Variants in MBIP observed in about 807,000 individuals in gnomAD.
MBIP encodes the protein MAP3K12-binding inhibitory protein 1.
A neutral mutation model predicts 45.7 loss-of-function variants in MBIP; 32 were observed. That is an observed-to-expected ratio of 0.70 (90% CI 0.53 to 0.94). The LOEUF is 0.94. MBIP is among the 40% of genes least tolerant of loss of function. The pLI is 0.00. For synonymous variants in MBIP, 145 were observed against 141.0 expected (o/e 1.03, Z -0.20); for missense variants, 381 against 405.5 (o/e 0.94, Z 0.52).
intron 6 of MBIP, among the ~76,000 whole-genome samples, chr14:36,309,486 CTGAA>C (rs1880076107): frequency 6.6e-6 from 1 of 152,142 alleles, no homozygotes; most frequent in South Asian, 2.1e-4. Flanking sequence ...TATTTACTGA[CTGAA>C]TGAATACATG....
At chr14:36,304,980 G>A (rs955909755) in intron 7 of MBIP, 1 of 152,154 alleles carries the variant, frequency 6.6e-6, no homozygotes, top group African/African-American at 2.4e-5. Flanking sequence ...TTAATAAACT[G>A]AATGGGCTCA....
intron 6 of MBIP, among the ~76,000 whole-genome samples, chr14:36,311,372 C>T (rs758751679): frequency 1.3e-5 from 2 of 152,010 alleles, no homozygotes; most frequent in Non-Finnish European, 2.9e-5. Flanking sequence ...TTTATCTGTA[C>T]AGTGATAACA....
At position 36,298,948 on chromosome 14, in the gene MBIP, C is replaced by G; in HGVS notation, c.*135G>C. On this transcript the variant is annotated 3_prime_UTR_variant, in exon 9 of 9. Coordinates refer to ENST00000416007, the MANE Select transcript of MBIP (RefSeq NM_016586.3). ...ATATTTGAAGATTACTTGCTGCAAG[C>G]TGGACTCATGTGAAAATAAACCTTG... The G allele has an allele frequency of 1.8e-6, 1 of 562,052 alleles. No homozygotes were observed. The highest frequency in any genetic ancestry group is 3.1e-6 in the Non-Finnish European group (1 of 318,034). The allele number at this position is 562,052 out of a possible 1,614,324, so 34.8% of individuals were successfully genotyped here.
At chr14:36,313,437 C>T (rs1880335872) in intron 4 of MBIP, 1 of 152,056 alleles carries the variant, frequency 6.6e-6, no homozygotes, top group Non-Finnish European at 1.5e-5. Flanking sequence ...TTTCTATCCC[C>T]TGGTGGTTTA....
chr14:36,308,224 G>T, intron 6 of MBIP, 35 bp from the exon 7 acceptor site: 2 of 1,022,506 alleles, frequency 2.0e-6, no homozygotes, highest in African/African-American at 1.6e-5. Flanking sequence ...AGATACTATT[G>T]AATAATTCTT....
chr14:36,304,386 A>C (rs887264702), intron 7 of MBIP, among the ~76,000 whole-genome samples: 1 of 152,222 alleles, frequency 6.6e-6, no homozygotes, highest in African/African-American at 2.4e-5. Context: ...CCTGCCCTTG[A>C]GAGTTTCAAA....
chr14:36,311,896 T>A, intron 5 of MBIP, 63 bp downstream of exon 5: 1 of 1,323,694 alleles, frequency 7.6e-7, no homozygotes, highest in Non-Finnish European at 1.0e-6. Context: ...GTTATTTCTA[T>A]TCCATTTTGC....
rs760295782 is a variant in MBIP at position 36,299,190 on chromosome 14, G to A, written c.928C>T (p.Gln310Ter). The A allele has an allele frequency of 6.2e-7, 1 of 1,605,394 alleles. No homozygotes were observed. Among genetic ancestry groups the A allele is most frequent in the South Asian group, 1.1e-5 (1 of 90,736 alleles). Residue 310 changes from glutamine to a stop codon, truncating the protein, a stop_gained and splice_region_variant, in exon 9 of 9, where the codon CAG becomes TAG. Coordinates refer to ENST00000416007, the MANE Select transcript of MBIP (RefSeq NM_016586.3). LOFTEE classifies it high-confidence loss of function. ...TCAAGTTCAGCCAGTGAATAGTTCT[G>A]CTGTAAACAATAACGACACAAATTG... Reference protein sequence around the residue: ...GKRRKVQPPQQNYSLAELDEK... With the variant: ...GKRRKVQPPQ
chr14:36,308,044 A>T (rs202133690), intron 7 of MBIP, 48 bp downstream of exon 7: 2 of 1,027,734 alleles, frequency 1.9e-6, no homozygotes, highest in East Asian at 4.8e-5. Context: ...CAAAGAATCC[A>T]GAATACAATA....
chr14:36,316,512 T>A (rs1193530537), intron 2 of MBIP, among the ~76,000 whole-genome samples, 181 bp downstream of exon 2: 2 of 152,198 alleles, frequency 1.3e-5, no homozygotes, highest in Non-Finnish European at 1.5e-5. Context: ...TTGGGCTATA[T>A]TCCCTTAACT....
intron 7 of MBIP, among the ~76,000 whole-genome samples, chr14:36,303,019 T>C (rs1879666104): frequency 6.6e-6 from 1 of 152,228 alleles, no homozygotes; most frequent in Non-Finnish European, 1.5e-5. Context: ...CACCCGATAC[T>C]CTACAGTGTA....
intron 6 of MBIP, 73 bp downstream of exon 6, chr14:36,311,500 T>G (rs995537809): frequency 1.4e-6 from 2 of 1,416,884 alleles, no homozygotes; most frequent in African/African-American, 2.9e-5. Context: ...GAAAATTTGG[T>G]GACTAAATGA....
chr14:36,316,927 A>G, intron 1 of MBIP, 115 bp from the exon 2 acceptor site: 1 of 1,079,562 alleles, frequency 9.3e-7, no homozygotes, highest in Non-Finnish European at 1.3e-6. Context: ...CTAAGTTATC[A>G]AGTTTTTAAT....
chr14:36,307,081 T>A (rs1879926181), intron 7 of MBIP, among the ~76,000 whole-genome samples: 1 of 152,250 alleles, frequency 6.6e-6, no homozygotes, highest in East Asian at 1.9e-4. Flanking sequence ...CAGCCCTTAG[T>A]ATTTTCATAA....
intron 7 of MBIP, 149 bp from the exon 8 acceptor site, chr14:36,300,972 C>A: frequency 1.9e-6 from 1 of 519,538 alleles, no homozygotes; most frequent in Non-Finnish European, 3.5e-6. Flanking sequence ...TGTCTGTAAC[C>A]AACATCTACC....
intron 4 of MBIP, chr14:36,313,867 G>C (rs909069840): frequency 6.6e-6 from 1 of 152,122 alleles, no homozygotes; most frequent in Non-Finnish European, 1.5e-5. Context: ...TATGGTGCCT[G>C]AGTATAATCT....
In MBIP at chr14:36,314,903, T is replaced by C. The variant is rs1482593876; in HGVS notation, c.262A>G (p.Lys88Glu). 4.3e-6 allele frequency: 7 copies of C among 1,612,446 alleles called. No homozygotes were observed. The highest frequency in any genetic ancestry group is 5.9e-6 in the Non-Finnish European group (7 of 1,178,832). ...TCCTCTTTAATCGGAGACTGAAGTT[T>C]TGCTAAAAAAGGCTGAGAACAACAC... is the stretch of plus-strand genomic sequence containing the variant. The part of the protein sequence containing the change: ...HILYLQPFLA[K>E]LQSPIKEENT... The change falls in exon 3 of 9, where the codon AAA (lysine) becomes GAA (glutamate). Residue 88 changes from lysine (K) to glutamate (E), a missense_variant. Lys to Glu is a moderately conservative substitution (Grantham distance 56). Transcript: ENST00000416007.
intron 7 of MBIP, among the ~76,000 whole-genome samples, chr14:36,303,673 G>A (rs1334933438): frequency 1.3e-5 from 2 of 152,172 alleles, no homozygotes. Context: ...GAGCATGACT[G>A]TCATACACAC....
rs746152906 is a variant in MBIP at position 36,314,575 on chromosome 14, T to G, written c.508A>C (p.Lys170Gln). The G allele has an allele frequency of 1.2e-6, 2 of 1,611,818 alleles. No homozygotes were observed. Among genetic ancestry groups the G allele is most frequent in the East Asian group, 2.2e-5 (1 of 44,834 alleles). ...TTGTTTTCATTGATTTCAGCTTGCT[T>G]TCTTTCAATAAATGCAGATATTCGT... Reference protein sequence around the residue: ...DRRISAFIERKQAEINENNVR... With the variant: ...DRRISAFIERQQAEINENNVR... The change falls in exon 4 of 9, where the codon AAG becomes CAG. Residue 170 changes from lysine to glutamine, a missense_variant. Lys to Gln is a moderately conservative substitution (Grantham distance 53). Coordinates refer to ENST00000416007, the MANE Select transcript of MBIP (RefSeq NM_016586.3).
Sources: gnomAD v4.1 joint callset for allele counts (sites outside exome capture counted in the v4.1 genomes callset) on GRCh38, gnomAD v4.1.1 for gene constraint, MANE v1.5 for transcripts, NCBI Gene and HGNC (gene_info 2026-07-23, HGNC 2026-07-21) for gene names.